The following SLX4IP variants were observed in gnomAD, a reference collection of about 807,000 sequenced individuals.
The protein encoded by SLX4IP is SLX4 interacting protein.
In SLX4IP, 34 loss-of-function variants were observed where a neutral mutation model predicts 32.9. That is an observed-to-expected ratio of 1.03 (90% CI 0.79 to 1.38). SLX4IP has a LOEUF of 1.38. SLX4IP is among the 40% of genes most tolerant of loss of function. SLX4IP has a pLI of 0.00. For synonymous variants in SLX4IP, 172 were observed against 171.7 expected (o/e 1.00, Z -0.01); for missense variants, 444 against 479.0 (o/e 0.93, Z 0.68).
chr20:10,495,412 T>G (rs2065658305), intron 2 of SLX4IP, among the ~76,000 whole-genome samples: 1 of 152,192 alleles, frequency 6.6e-6, no homozygotes, highest in South Asian at 2.1e-4. Context: ...TCCTTTCTGA[T>G]CTGGTACATG....
At chr20:10,469,181 C>T (rs1298467488) in intron 2 of SLX4IP, among the ~76,000 whole-genome samples, 4 of 152,128 alleles carry the variant, frequency 2.6e-5, no homozygotes, top group African/African-American at 9.7e-5. Flanking sequence ...TTTCCTTGTC[C>T]CAAAGATGAC....
chr20:10,485,614 C>A (rs2065565343), intron 2 of SLX4IP, among the ~76,000 whole-genome samples: 1 of 124,920 alleles, frequency 8.0e-6, no homozygotes, highest in African/African-American at 2.9e-5. Flanking sequence ...AAAGGAGACT[C>A]TGTCAAAAAA....
At chr20:10,554,334 T>C (rs1194388832) in intron 2 of SLX4IP, among the ~76,000 whole-genome samples, 1 of 152,242 alleles carries the variant, frequency 6.6e-6, no homozygotes, top group African/African-American at 2.4e-5. Context: ...CAATTTGTTC[T>C]CTTGTTGTAG....
At chr20:10,465,112 C>G (rs2065369395) in intron 2 of SLX4IP, among the ~76,000 whole-genome samples, 1 of 152,170 alleles carries the variant, frequency 6.6e-6, no homozygotes, top group South Asian at 2.1e-4. Flanking sequence ...ATGTCCTGTA[C>G]TTCAGTGAGT....
chr20:10,597,674 G>A (rs759203418), intron 4 of SLX4IP, among the ~76,000 whole-genome samples: 7 of 152,156 alleles, frequency 4.6e-5, no homozygotes, highest in Non-Finnish European at 1.0e-4. Flanking sequence ...TACTGTTGAT[G>A]GATATTTGCA....
intron 4 of SLX4IP, among the ~76,000 whole-genome samples, chr20:10,574,763 C>G (rs1177912880): frequency 6.6e-5 from 10 of 152,116 alleles, no homozygotes; most frequent in Admixed American, 6.6e-4. Context: ...ACCACCACCT[C>G]CCAGGTTCAG....
At chr20:10,451,230 G>A (rs1191062157) in intron 1 of SLX4IP, among the ~76,000 whole-genome samples, 1 of 151,514 alleles carries the variant, frequency 6.6e-6, no homozygotes, top group African/African-American at 2.4e-5. Context: ...GCGTAATCTC[G>A]GCTCACTGCA....
At chr20:10,469,489 TTTGA>T (rs1375925132) in intron 2 of SLX4IP, among the ~76,000 whole-genome samples, 5 of 152,212 alleles carry the variant, frequency 3.3e-5, no homozygotes, top group East Asian at 1.9e-4. Context: ...GTATAATGGT[TTTGA>T]TTGTCTAGAC....
At chr20:10,601,851 G>C (rs1329887125) in intron 6 of SLX4IP, 32 bp downstream of exon 6, 8 of 1,568,446 alleles carry the variant, frequency 5.1e-6, no homozygotes, top group Admixed American at 1.7e-5. Flanking sequence ...AAACAAATAA[G>C]TCTGCTTAAA....
At chr20:10,484,991 C>T (rs1046594190) in intron 2 of SLX4IP, among the ~76,000 whole-genome samples, 3 of 151,938 alleles carry the variant, frequency 2.0e-5, no homozygotes, top group African/African-American at 2.4e-5. Context: ...TGGGGGACCT[C>T]GAAGAGACAG....
At chr20:10,614,100 AG>A (rs1309550265) in intron 6 of SLX4IP, 21 of 1,532,910 alleles carry the variant, frequency 1.4e-5, no homozygotes, top group Non-Finnish European at 8.9e-7. Flanking sequence ...GTGTACCTGC[AG>A]GGACACCTTG....
chr20:10,498,354 C>A (rs191583082), intron 2 of SLX4IP, among the ~76,000 whole-genome samples: 83 of 152,098 alleles, frequency 5.5e-4, no homozygotes, highest in Admixed American at 1.3e-3. Flanking sequence ...CCTTCTCCAT[C>A]CCACCCAGTG....
At chr20:10,536,172 GT>G (rs1449579973) in intron 2 of SLX4IP, among the ~76,000 whole-genome samples, 1 of 152,124 alleles carries the variant, frequency 6.6e-6, no homozygotes, top group Non-Finnish European at 1.5e-5. Context: ...ACACCTTCTT[GT>G]TTTTTGGAAT....
chr20:10,437,286 A>T (rs1295839376), intron 1 of SLX4IP, among the ~76,000 whole-genome samples: 1 of 152,160 alleles, frequency 6.6e-6, no homozygotes, highest in Non-Finnish European at 1.5e-5. Context: ...GACTGCACCC[A>T]GCTGCCTTCT....
rs1378953345 is a variant in SLX4IP, at chr20:10,625,678, G to GA, written c.*2305dup. ...ATATAACAATTACTGTGATCGAAGA[G>GA]AAAAAATAGCACCTTTGGTTGTAGA... On this transcript the variant is annotated 3_prime_UTR_variant, in exon 8 of 8. Transcript: ENST00000334534. 6.6e-6 allele frequency: 1 copy of GA among 152,142 alleles called. No homozygotes were observed. Among genetic ancestry groups the GA allele is most frequent in the Admixed American group, 6.5e-5 (1 of 15,278 alleles). 9.4% of individuals were successfully genotyped at this position (152,142 alleles called of 1,614,324 possible).
At chr20:10,536,000 A>AAAGT (rs34892700) in intron 2 of SLX4IP, among the ~76,000 whole-genome samples, 86,313 of 151,706 alleles carry the variant, frequency 0.57, 25,192 homozygotes, top group South Asian at 0.72. Flanking sequence ...GTGAGGGAGA[A>AAAGT]AAGCAGAAAT....
At chr20:10,515,172 C>T (rs1269194635) in intron 2 of SLX4IP, among the ~76,000 whole-genome samples, 1 of 148,586 alleles carries the variant, frequency 6.7e-6, no homozygotes, top group African/African-American at 2.5e-5. Flanking sequence ...GCAGCCTCCA[C>T]CTCTTGAGTT....
At chr20:10,526,532 T>C (rs1172783576) in intron 2 of SLX4IP, among the ~76,000 whole-genome samples, 1 of 152,264 alleles carries the variant, frequency 6.6e-6, no homozygotes, top group Non-Finnish European at 1.5e-5. Context: ...AAATTGTTTT[T>C]GAACTGCTGT....
chr20:10,518,710 G>T (rs1030290638), intron 2 of SLX4IP, among the ~76,000 whole-genome samples: 3 of 151,878 alleles, frequency 2.0e-5, no homozygotes, highest in African/African-American at 4.8e-5. Flanking sequence ...TGGGACCATG[G>T]GTGGGAGTCA....
Sources: gnomAD v4.1 joint callset for allele counts (sites outside exome capture counted in the v4.1 genomes callset) on GRCh38, gnomAD v4.1.1 for gene constraint, MANE v1.5 for transcripts, NCBI Gene and HGNC (gene_info 2026-07-23, HGNC 2026-07-21) for gene names.